The following TESC variants were observed in gnomAD, a reference collection of about 807,000 sequenced individuals.
TESC encodes tescalcin.
TESC carries 19 observed loss-of-function variants against 31.0 expected under a neutral mutation model. The ratio of observed to expected loss-of-function variants is 0.61; its 90% confidence interval spans 0.43 to 0.90. The LOEUF (loss-of-function observed/expected upper bound fraction) is 0.90, where lower values mean the gene tolerates loss of function less well. TESC is among the 40% of genes least tolerant of loss of function. The pLI is 0.00. For missense variants in TESC, 248 were observed against 303.8 expected (o/e 0.82, Z 1.36); for synonymous variants, 109 against 114.8 (o/e 0.95, Z 0.32).
chr12:117,060,690 T>C (rs1954790358), intron 2 of TESC, among the ~76,000 whole-genome samples: 1 of 152,184 alleles, frequency 6.6e-6, no homozygotes, highest in South Asian at 2.1e-4. Context: ...TTCGGCAACC[T>C]GCCCCAGCTC....
At chr12:117,078,287 G>A (rs749285024) in intron 1 of TESC, among the ~76,000 whole-genome samples, 6 of 152,028 alleles carry the variant, frequency 3.9e-5, no homozygotes, top group South Asian at 4.1e-4. Flanking sequence ...CCAACATGAC[G>A]AAACCCCATC....
intron 6 of TESC, 151 bp from the exon 7 acceptor site, chr12:117,042,145 T>G (rs1954493663): frequency 2.7e-6 from 2 of 743,750 alleles, no homozygotes; most frequent in Non-Finnish European, 4.4e-6. Flanking sequence ...AGGAGAACGT[T>G]CTGGATCGTC....
At chr12:117,039,882 T>C (rs919252092) in intron 7 of TESC, among the ~76,000 whole-genome samples, 2 of 152,232 alleles carry the variant, frequency 1.3e-5, no homozygotes, top group Non-Finnish European at 2.9e-5. Context: ...GCCTTCGTGC[T>C]ACAAGGCCAT....
At chr12:117,045,569 G>C (rs1402832409) in intron 6 of TESC, among the ~76,000 whole-genome samples, 1 of 152,186 alleles carries the variant, frequency 6.6e-6, no homozygotes, top group Non-Finnish European at 1.5e-5. Context: ...CTGGGCTCCA[G>C]AGGCAAACAG....
At chr12:117,041,884 T>C in intron 7 of TESC, 63 bp downstream of exon 7, 1 of 1,512,510 alleles carries the variant, frequency 6.6e-7, no homozygotes, top group Non-Finnish European at 8.9e-7. Context: ...TGTCCCCTCC[T>C]GACCAGTGGG....
At chr12:117,099,145 C>T (rs1407143656) in intron 1 of TESC, 80 bp downstream of exon 1, 3 of 1,399,730 alleles carry the variant, frequency 2.1e-6, no homozygotes, top group African/African-American at 1.5e-5. Context: ...TCACACAGCG[C>T]GGCGGCGGGC....
At chr12:117,091,553 G>A (rs914033951) in intron 1 of TESC, among the ~76,000 whole-genome samples, 3 of 152,218 alleles carry the variant, frequency 2.0e-5, no homozygotes, top group Non-Finnish European at 4.4e-5. Context: ...CCAATCTGCG[G>A]AGCGAGGACG....
At position 117,075,924 on chromosome 12, in the gene TESC, T is replaced by C. The variant is rs1565971700; in HGVS notation, c.59-584A>G. 2.4e-3 allele frequency among the ~76,000 whole-genome samples: 157 copies of C among 65,008 alleles called. 5 individuals carry two copies. Among genetic ancestry groups the C allele is most frequent in the South Asian group, 0.017 (38 of 2,186 alleles). The allele number at this position is 65,008 out of a possible 152,430, so 42.6% of individuals were successfully genotyped here. ...ATATATATATATATATGTGTGTGTG[T>C]ATATATATATATATATGTATATATA... On this transcript the variant is annotated intron_variant, in intron 1 of 7. Coordinates refer to ENST00000335209, the MANE Select transcript of TESC (RefSeq NM_017899.4).
intron 4 of TESC, chr12:117,048,564 T>C: frequency 2.6e-6 from 1 of 383,780 alleles, no homozygotes; most frequent in Non-Finnish European, 5.2e-6. Flanking sequence ...AACCCAGCAA[T>C]AGCACAGCCC....
chr12:117,068,366 C>G (rs56887440), intron 2 of TESC, among the ~76,000 whole-genome samples: 6,399 of 152,204 alleles, frequency 0.042, 167 homozygotes, highest in South Asian at 0.1. Context: ...CTTGCCTCTA[C>G]TAAAAATACA....
In TESC at chr12:117,095,126, G is replaced by A. The variant is rs369174585; in HGVS notation, c.58+4099C>T. The stretch of plus-strand genomic sequence containing the variant: ...AGTTCACTCTGTCGCCCAGGCTGGA[G>A]TACAGTGGCATGCTCTCAGCTCACC... On this transcript the variant is annotated intron_variant, in intron 1 of 7. Transcript: ENST00000335209. Among the ~76,000 whole-genome samples, 11 of 152,086 alleles carry A rather than the reference G, an allele frequency of 7.2e-5. 1 individual carries two copies. The East Asian group carries it at 2.1e-3, about 30-fold the overall frequency.
At chr12:117,048,576 T>C (rs975224127) in intron 4 of TESC, 47 of 402,038 alleles carry the variant, frequency 1.2e-4, no homozygotes, top group African/African-American at 9.2e-4. Context: ...GCACAGCCCA[T>C]GGAGGAGGGA....
chr12:117,049,104 G>A lies in TESC; in HGVS notation c.264C>T (p.Phe88=). The A allele has an allele frequency of 6.2e-7, 1 of 1,614,242 alleles. No individual in the cohort carries two copies. Among genetic ancestry groups the A allele is most frequent in the Non-Finnish European group, 8.5e-7 (1 of 1,180,052 alleles). ...GCCGGAAGTAGGACATGATGGTCAG[G>A]AAGTCCTCGAAATTGATCTCATCAG... ...GLADEINFED[F]LTIMSYFRPI... The change falls in exon 4 of 8, where the codon TTC becomes TTT. Residue 88 remains phenylalanine, a synonymous_variant. Coordinates refer to ENST00000335209, the MANE Select transcript of TESC (RefSeq NM_017899.4).
rs189707463 is a variant in TESC, at chr12:117,044,619, C to A, written c.519+1940G>T. Among the ~76,000 whole-genome samples the A allele has an allele frequency of 5.0e-3, 761 of 152,310 alleles. 10 individuals carry two copies. The highest frequency in any genetic ancestry group is 0.018 in the African/African-American group (734 of 41,568). On this transcript the variant is annotated intron_variant, in intron 6 of 7. Transcript: ENST00000335209. The stretch of plus-strand genomic sequence containing the variant: ...AAAGCACTCTCAAAAGATCCACAGG[C>A]CGGCGCGACGGCTCATGCCTGGAAT...
intron 1 of TESC, among the ~76,000 whole-genome samples, chr12:117,089,621 T>C (rs1955278954): frequency 6.6e-6 from 1 of 152,166 alleles, no homozygotes; most frequent in African/African-American, 2.4e-5. Flanking sequence ...TTGCAATTTT[T>C]TGAAATTTAA....
intron 2 of TESC, among the ~76,000 whole-genome samples, chr12:117,072,439 A>T (rs1162076344): frequency 6.6e-6 from 1 of 152,164 alleles, no homozygotes; most frequent in Non-Finnish European, 1.5e-5. Context: ...CACTTTCCAG[A>T]TGAGGAGACC....
chr12:117,055,912 CTTTTT>C (rs201228990), intron 3 of TESC, among the ~76,000 whole-genome samples: 1 of 139,928 alleles, frequency 7.1e-6, no homozygotes. Flanking sequence ...TTTCCTTTTC[CTTTTT>C]TTTTTTTTTT....
At chr12:117,074,797 T>G (rs921901979) in intron 2 of TESC, among the ~76,000 whole-genome samples, 2 of 152,226 alleles carry the variant, frequency 1.3e-5, no homozygotes, top group Non-Finnish European at 2.9e-5. Context: ...GTGATCCTCA[T>G]AGAAACAGAA....
chr12:117,043,482 A>G (rs1382238001), intron 6 of TESC, among the ~76,000 whole-genome samples: 1 of 149,832 alleles, frequency 6.7e-6, no homozygotes, highest in African/African-American at 2.5e-5. Context: ...TTTGAGACAG[A>G]GTCTCGCTCT....
Sources: allele counts gnomAD v4.1 joint callset (sites outside exome capture counted in the v4.1 genomes callset), GRCh38; gene constraint gnomAD v4.1.1; transcripts MANE v1.5; gene names NCBI Gene and HGNC (gene_info 2026-07-23, HGNC 2026-07-21).